Variants in CCNI observed in about 807,000 individuals in gnomAD.
CCNI encodes cyclin-I.
A neutral mutation model predicts 34.1 loss-of-function variants in CCNI; 14 were observed. The observed-to-expected ratio is 0.41, with a 90% CI of 0.27 to 0.64. The LOEUF (loss-of-function observed/expected upper bound fraction) is 0.64. CCNI is among the 30% of genes least tolerant of loss of function. CCNI has a pLI of 0.31. For missense variants in CCNI, 385 were observed against 440.5 expected (o/e 0.87, Z 1.13); for synonymous variants, 154 against 158.4 (o/e 0.97, Z 0.21).
Position 77,047,941 on chromosome 4 carries a change from A to G in CCNI, c.*278T>C, listed in dbSNP as rs979074352. ...GGCAAGCTACGTTACATTATGGCAG[A>G]AAAAAAGTGCAACTGACATACTACA... On this transcript the variant is annotated 3_prime_UTR_variant, in exon 7 of 7. Transcript: ENST00000237654. The G allele has an allele frequency of 3.6e-6, 1 of 277,870 alleles. No individual in the cohort carries two copies. The highest frequency in any genetic ancestry group is 6.8e-6 in the Non-Finnish European group (1 of 146,954). The allele number at this position is 277,870 out of a possible 1,614,324, so 17.2% of individuals were successfully genotyped here. A position where few individuals can be genotyped will look rare whatever the true frequency, so the allele number is the denominator to read the frequency against.
chr4:77,052,759 C>T (rs1042807358), intron 6 of CCNI, among the ~76,000 whole-genome samples: 17 of 152,166 alleles, frequency 1.1e-4, no homozygotes, highest in African/African-American at 1.4e-4. Flanking sequence ...CCTTGTCACA[C>T]GTCTAAACAC....
chr4:77,075,648 C>G lies in CCNI; in HGVS notation c.-220G>C, dbSNP rs1426884236. The G allele has an allele frequency of 8.4e-6, 6 of 715,120 alleles. No homozygotes were observed. Among genetic ancestry groups the G allele is most frequent in the Non-Finnish European group, 9.8e-6 (6 of 610,690 alleles). The allele number at this position is 715,120 out of a possible 1,614,324, so 44.3% of individuals were successfully genotyped here. A position where few individuals can be genotyped will look rare whatever the true frequency, so the allele number is the denominator to read the frequency against. On this transcript the variant is annotated 5_prime_UTR_variant, in exon 1 of 7. Transcript: ENST00000237654. ...GAAAGGGGAAGCGGATCGGGGGGCGCGGGCGCGGGCGCTGGCGCTCGAGCG... is the reference window on the plus strand; with the variant it reads ...GAAAGGGGAAGCGGATCGGGGGGCGGGGGCGCGGGCGCTGGCGCTCGAGCG...
chr4:77,070,739 C>T (rs1460817965), intron 1 of CCNI, among the ~76,000 whole-genome samples: 1 of 152,014 alleles, frequency 6.6e-6, no homozygotes, highest in East Asian at 1.9e-4. Flanking sequence ...TCCTGTAATT[C>T]CAACACTTTG....
At chr4:77,054,830 C>T (rs1487672406) in intron 6 of CCNI, among the ~76,000 whole-genome samples, 1 of 152,086 alleles carries the variant, frequency 6.6e-6, no homozygotes, top group Non-Finnish European at 1.5e-5. Context: ...AGAAGTACTA[C>T]ATTAAAACCT....
intron 6 of CCNI, among the ~76,000 whole-genome samples, chr4:77,049,201 A>C (rs1280251027): frequency 6.6e-6 from 1 of 152,090 alleles, no homozygotes; most frequent in Non-Finnish European, 1.5e-5. Flanking sequence ...ATTTTGTAGA[A>C]AATAGTAGAC....
chr4:77,057,636 G>A (rs1480903310), intron 3 of CCNI, among the ~76,000 whole-genome samples: 1 of 152,108 alleles, frequency 6.6e-6, no homozygotes, highest in Admixed American at 6.6e-5. Flanking sequence ...TAAATATGTT[G>A]AGGGCCTATT....
intron 6 of CCNI, among the ~76,000 whole-genome samples, chr4:77,053,950 TCC>T (rs1189108184): frequency 2.0e-5 from 3 of 152,092 alleles, no homozygotes; most frequent in African/African-American, 7.2e-5. Context: ...AATTAAGATA[TCC>T]CTTCAAAACA....
chr4:77,049,722 T>C (rs2110005537), intron 6 of CCNI, among the ~76,000 whole-genome samples: 1 of 152,134 alleles, frequency 6.6e-6, no homozygotes, highest in East Asian at 1.9e-4. Flanking sequence ...TCAACGTATT[T>C]ACCACATTTC....
At chr4:77,074,604 T>C (rs1729754992) in intron 1 of CCNI, among the ~76,000 whole-genome samples, 1 of 152,162 alleles carries the variant, frequency 6.6e-6, no homozygotes, top group African/African-American at 2.4e-5. Context: ...ACTACCAGCC[T>C]TGGGGGGATT....
At chr4:77,070,469 A>G (rs1578257140) in intron 1 of CCNI, among the ~76,000 whole-genome samples, 1 of 143,392 alleles carries the variant, frequency 7.0e-6, no homozygotes, top group Non-Finnish European at 1.5e-5. Context: ...AGGTTTGGGT[A>G]CTTTCTTTTT....
chr4:77,059,321 C>T (rs890298823), intron 2 of CCNI, among the ~76,000 whole-genome samples: 1 of 151,544 alleles, frequency 6.6e-6, no homozygotes, highest in Admixed American at 6.6e-5. Flanking sequence ...AAAACTTTTA[C>T]TCTTGAGTTT....
intron 2 of CCNI, among the ~76,000 whole-genome samples, chr4:77,060,655 G>A (rs1728546987): frequency 1.3e-5 from 2 of 148,420 alleles, no homozygotes; most frequent in Admixed American, 6.8e-5. Flanking sequence ...ATGGAGTCTC[G>A]CTCTGTCACC....
intron 1 of CCNI, among the ~76,000 whole-genome samples, chr4:77,067,792 A>T (rs1455386394): frequency 8.4e-3 from 284 of 33,770 alleles, no homozygotes; most frequent in Non-Finnish European, 0.011. Context: ...TCTAGGTTTA[A>T]AAAAAAAAAA....
intron 3 of CCNI, among the ~76,000 whole-genome samples, chr4:77,057,305 C>T (rs1335546695): frequency 6.6e-6 from 1 of 152,128 alleles, no homozygotes; most frequent in Non-Finnish European, 1.5e-5. Context: ...TCATGAGTTT[C>T]TTGCTGTGTT....
chr4:77,073,258 C>G (rs1578260724), intron 1 of CCNI, among the ~76,000 whole-genome samples: 1 of 152,158 alleles, frequency 6.6e-6, no homozygotes, highest in African/African-American at 2.4e-5. Context: ...TCTCCTTTCT[C>G]CACGGTTATC....
intron 6 of CCNI, among the ~76,000 whole-genome samples, chr4:77,050,800 A>C (rs1727771248): frequency 6.6e-6 from 1 of 152,052 alleles, no homozygotes; most frequent in Non-Finnish European, 1.5e-5. Context: ...AACAAAGCAC[A>C]GAGAAAGGAT....
At position 77,063,614 on chromosome 4, in the gene CCNI, C is replaced by T. The variant is rs935725483; in HGVS notation, c.114+2635G>A. Among the ~76,000 whole-genome samples the T allele has an allele frequency of 3.3e-5, 5 of 151,214 alleles. No individual in the cohort carries two copies. The East Asian group carries it at 5.9e-4, about 18-fold the overall frequency. ...CTGAGGCAGGAGAATAGCGTGAACC[C>T]GGGAGGCGGAGCTTGCAGTGAGCCA... On this transcript the variant is annotated intron_variant, in intron 2 of 6. Transcript: ENST00000237654.
intron 1 of CCNI, among the ~76,000 whole-genome samples, chr4:77,066,764 A>T (rs1245962773): frequency 6.6e-6 from 1 of 152,238 alleles, no homozygotes. Flanking sequence ...ACCTAATCAG[A>T]TAAGGACCAC....
At chr4:77,062,816 T>C (rs181933596) in intron 2 of CCNI, among the ~76,000 whole-genome samples, 16 of 152,286 alleles carry the variant, frequency 1.1e-4, no homozygotes, top group Admixed American at 9.8e-4. Flanking sequence ...AGTTTCAATG[T>C]TTTCCCCAAA....
Sources: allele counts gnomAD v4.1 joint callset (sites outside exome capture counted in the v4.1 genomes callset), GRCh38; gene constraint gnomAD v4.1.1; transcripts MANE v1.5; gene names NCBI Gene and HGNC (gene_info 2026-07-23, HGNC 2026-07-21).